RAB27B: variants seen among roughly 807,000 people sequenced by gnomAD.
RAB27B encodes the protein RAB27B, member RAS oncogene family, also known as ras-related protein Rab-27B.
Under a neutral mutation model 24.6 loss-of-function variants are expected in RAB27B, and 15 were observed. The ratio of observed to expected loss-of-function variants is 0.61; its 90% CI spans 0.41 to 0.94. The LOEUF (loss-of-function observed/expected upper bound fraction) is 0.94. Ranked by LOEUF, RAB27B falls within the 40% of genes least tolerant of loss-of-function variation. RAB27B has a pLI of 0.00. For missense variants in RAB27B, 261 were observed against 266.8 expected (o/e 0.98, Z 0.15); for synonymous variants, 105 against 92.5 (o/e 1.14, Z -0.78).
intron 2 of RAB27B, among the ~76,000 whole-genome samples, chr18:54,742,926 G>A (rs367559320): frequency 1.3e-5 from 2 of 152,144 alleles, no homozygotes; most frequent in African/African-American, 4.8e-5. Flanking sequence ...TCAGCTTTTG[G>A]CAGGATGACC....
At chr18:54,845,742 G>A (rs978067817) in intron 1 of RAB27B, among the ~76,000 whole-genome samples, 1 of 152,070 alleles carries the variant, frequency 6.6e-6, no homozygotes, top group Admixed American at 6.6e-5. Context: ...CTGTTAACCT[G>A]CTATTCTAAT....
At chr18:54,731,607 C>G (rs1195079894) in intron 2 of RAB27B, among the ~76,000 whole-genome samples, 1 of 152,142 alleles carries the variant, frequency 6.6e-6, no homozygotes, top group East Asian at 1.9e-4. Flanking sequence ...GTAATCCCAG[C>G]TACTCAGAAG....
At chr18:54,844,958 A>G (rs1911271577) in intron 1 of RAB27B, among the ~76,000 whole-genome samples, 1 of 152,158 alleles carries the variant, frequency 6.6e-6, no homozygotes, top group Admixed American at 6.5e-5. Flanking sequence ...CAACACTAGA[A>G]ATATGACATC....
rs888327659 is a variant in RAB27B, at chr18:54,892,917, A to G, written c.*3504A>G. 4 of 152,048 alleles carry G rather than the reference A, an allele frequency of 2.6e-5. No homozygotes were observed. The highest frequency in any genetic ancestry group is 2.0e-4 in the Admixed American group (3 of 15,246). 9.4% of individuals were successfully genotyped at this position (152,048 alleles called of 1,614,324 possible). A position where few individuals can be genotyped will look rare whatever the true frequency, so the allele number is the denominator to read the frequency against. The stretch of plus-strand genomic sequence containing the variant: ...GCCTTTTCTTGTCCCCTTTGTAAGA[A>G]AGAGATGCTTGCCATAGAGAAGGAC... On this transcript the variant is annotated 3_prime_UTR_variant, in exon 6 of 6. Transcript: ENST00000262094.
intron 2 of RAB27B, among the ~76,000 whole-genome samples, chr18:54,733,758 T>A (rs59069052): frequency 0.063 from 9,476 of 149,854 alleles, 732 homozygotes; most frequent in African/African-American, 0.17. Context: ...CTCACATATG[T>A]TCCTTAATGG....
At position 54,893,434 on chromosome 18, in the gene RAB27B, A is replaced by G. The variant is rs1395542702; in HGVS notation, c.*4021A>G. On this transcript the variant is annotated 3_prime_UTR_variant, in exon 6 of 6. Coordinates refer to ENST00000262094, the MANE Select transcript of RAB27B (RefSeq NM_004163.4). ...TAAGACATTAAAAGAAGTCTAGTGT[A>G]TTTGAATATTTTAGAGAAAGCTTTA... The G allele has an allele frequency of 6.6e-6, 1 of 152,014 alleles. No individual in the cohort carries two copies. The highest frequency in any genetic ancestry group is 1.5e-5 in the Non-Finnish European group (1 of 67,924). 9.4% of individuals were successfully genotyped at this position (152,014 alleles called of 1,614,324 possible). A position where few individuals can be genotyped will look rare whatever the true frequency, so the allele number is the denominator to read the frequency against.
chr18:54,801,201 TG>T (rs1419606562), intron 2 of RAB27B, among the ~76,000 whole-genome samples: 2 of 151,780 alleles, frequency 1.3e-5, no homozygotes, highest in African/African-American at 2.4e-5. Flanking sequence ...TTAGTAGAGA[TG>T]GGGTTTTTTA....
At chr18:54,813,983 T>A (rs1235766684) in intron 2 of RAB27B, among the ~76,000 whole-genome samples, 1 of 152,236 alleles carries the variant, frequency 6.6e-6, no homozygotes, top group African/African-American at 2.4e-5. Flanking sequence ...ACTTTTTGTA[T>A]ATGTGCACAT....
intron 2 of RAB27B, among the ~76,000 whole-genome samples, chr18:54,878,061 A>T (rs973787150): frequency 6.6e-6 from 1 of 152,158 alleles, no homozygotes; most frequent in African/African-American, 2.4e-5. Flanking sequence ...AAAAACATTA[A>T]CTCTGATCTG....
At chr18:54,816,529 ATATTT>A (rs1375677184) in intron 2 of RAB27B, among the ~76,000 whole-genome samples, 2 of 152,188 alleles carry the variant, frequency 1.3e-5, no homozygotes, top group African/African-American at 2.4e-5. Context: ...GTTTAAGCAA[ATATTT>A]TATTTTTTTA....
chr18:54,870,194 A>G (rs893690388), intron 1 of RAB27B, among the ~76,000 whole-genome samples: 1 of 152,210 alleles, frequency 6.6e-6, no homozygotes, highest in Admixed American at 6.5e-5. Context: ...AATTTTTAAA[A>G]TTAGATAAAA....
At chr18:54,763,862 T>G (rs1343509988) in intron 2 of RAB27B, among the ~76,000 whole-genome samples, 1 of 152,076 alleles carries the variant, frequency 6.6e-6, no homozygotes, top group African/African-American at 2.4e-5. Context: ...GAATGAGAGA[T>G]ATGATGGAGC....
At chr18:54,828,369 AG>A (rs1910545507), upstream of RAB27B, 1 of 152,026 alleles carries the variant, frequency 6.6e-6, no homozygotes, top group South Asian at 2.1e-4. Flanking sequence ...GCCTGAGGTG[AG>A]CTCCGCACAT....
rs555888379 is a variant in RAB27B, at chr18:54,772,655, G to C, written c.-20+54514G>C. Among the ~76,000 whole-genome samples the C allele has an allele frequency of 4.6e-5, 7 of 152,092 alleles. No individual in the cohort carries two copies. The South Asian group carries it at 1.5e-3, about 32-fold the overall frequency. On this transcript the variant is annotated intron_variant, in intron 2 of 4. Transcript: ENST00000586570. ...AGTTAAAATCCTTACTCCAAACTCAGTCTCTTTTATTAATTATTTAAAAAA... is the reference window on the plus strand; with the variant it reads ...AGTTAAAATCCTTACTCCAAACTCACTCTCTTTTATTAATTATTTAAAAAA...
intron 2 of RAB27B, among the ~76,000 whole-genome samples, chr18:54,746,233 G>A (rs1201749137): frequency 1.3e-5 from 2 of 152,158 alleles, no homozygotes; most frequent in Admixed American, 1.3e-4. Context: ...GTCATCAGAT[G>A]GCAAGAATAT....
At chr18:54,809,656 G>C (rs1909902195) in intron 2 of RAB27B, among the ~76,000 whole-genome samples, 1 of 152,116 alleles carries the variant, frequency 6.6e-6, no homozygotes, top group Non-Finnish European at 1.5e-5. Flanking sequence ...AGGCAAACCT[G>C]TTAGGAAATG....
chr18:54,843,279 A>T (rs1048096627), intron 1 of RAB27B, among the ~76,000 whole-genome samples: 3 of 152,214 alleles, frequency 2.0e-5, no homozygotes, highest in African/African-American at 7.2e-5. Context: ...AAATTACAAT[A>T]AATTAATGCC....
Position 54,895,448 on chromosome 18 carries a change from T to C in RAB27B, c.*6035T>C, listed in dbSNP as rs1223857969. The C allele has an allele frequency of 6.6e-6, 1 of 152,122 alleles. No homozygotes were observed. Among genetic ancestry groups the C allele is most frequent in the African/African-American group, 2.4e-5 (1 of 41,434 alleles). The allele number at this position is 152,122 out of a possible 1,614,324, so 9.4% of individuals were successfully genotyped here. A position where few individuals can be genotyped will look rare whatever the true frequency, so the allele number is the denominator to read the frequency against. On this transcript the variant is annotated 3_prime_UTR_variant, in exon 6 of 6. Coordinates refer to ENST00000262094, the MANE Select transcript of RAB27B (RefSeq NM_004163.4). Reference sequence around the variant, plus strand: ...TTTTGGTGTCTGGCTATGAATACTATGGTTGAGAATTGTATTCAGTGATTG... The same window carrying C: ...TTTTGGTGTCTGGCTATGAATACTACGGTTGAGAATTGTATTCAGTGATTG...
At chr18:54,780,230 A>G (rs1376087435) in intron 2 of RAB27B, among the ~76,000 whole-genome samples, 1 of 120,448 alleles carries the variant, frequency 8.3e-6, no homozygotes, top group Non-Finnish European at 1.6e-5. Flanking sequence ...CCCTCTCCAG[A>G]CAACCTCCCC....
Sources: gnomAD v4.1 joint callset for allele counts (sites outside exome capture counted in the v4.1 genomes callset) on GRCh38, gnomAD v4.1.1 for gene constraint, MANE v1.5 for transcripts, NCBI Gene and HGNC (gene_info 2026-07-23, HGNC 2026-07-21) for gene names.